Variants in MOB1A observed in about 807,000 individuals in gnomAD.
MOB1A encodes MOB1 Mps One Binder homolog A.
Under a neutral mutation model 25.1 loss-of-function variants are expected in MOB1A, and 10 were observed. The ratio of observed to expected loss-of-function variants is 0.40; its 90% confidence interval spans 0.25 to 0.68. The LOEUF (loss-of-function observed/expected upper bound fraction) is 0.68. Ranked by LOEUF, MOB1A falls within the 30% of genes least tolerant of loss-of-function variation. MOB1A has a pLI of 0.40. For missense variants in MOB1A, 177 were observed against 256.3 expected (o/e 0.69, Z 2.11); for synonymous variants, 81 against 79.5 (o/e 1.02, Z -0.10).
Position 74,153,815 on chromosome 2 carries a change from G to C in MOB1A, c.*2753C>G, listed in dbSNP as rs1209080114. ...CAAGGGGGAAGGGAGTGAGTGTTAT[G>C]GAACAGGCAAACCTTGGGCATGGGG... On this transcript the variant is annotated 3_prime_UTR_variant, in exon 6 of 6. Transcript: ENST00000396049. 6.6e-6 allele frequency: 1 copy of C among 152,218 alleles called. No individual in the cohort carries two copies. Among genetic ancestry groups the C allele is most frequent in the Admixed American group, 6.6e-5 (1 of 15,264 alleles). The allele number at this position is 152,218 out of a possible 1,614,324, so 9.4% of individuals were successfully genotyped here. A position where few individuals can be genotyped will look rare whatever the true frequency, so the allele number is the denominator to read the frequency against.
At chr2:74,156,785 T>C (rs56259334) in intron 5 of MOB1A, 140 bp from the exon 6 acceptor site, 83,690 of 630,738 alleles carry the variant, frequency 0.13, 7,279 homozygotes, top group East Asian at 0.36. Flanking sequence ...CATTTTAAAG[T>C]AGGCATTTAT....
chr2:74,172,914 T>A (rs1693337552), intron 1 of MOB1A, 162 bp from the exon 2 acceptor site: 1 of 697,780 alleles, frequency 1.4e-6, no homozygotes, highest in African/African-American at 1.8e-5. Context: ...CACTTTGGGA[T>A]CACCTGAGGT....
intron 1 of MOB1A, among the ~76,000 whole-genome samples, chr2:74,173,737 T>A (rs1693368711): frequency 6.9e-6 from 1 of 145,684 alleles, no homozygotes; most frequent in African/African-American, 2.6e-5. Flanking sequence ...GATCACGAGG[T>A]CAGGAGATCG....
intron 1 of MOB1A, among the ~76,000 whole-genome samples, chr2:74,173,989 C>G (rs1693379026): frequency 6.9e-6 from 1 of 145,044 alleles, no homozygotes; most frequent in Admixed American, 7.0e-5. Flanking sequence ...GGGGCCATGG[C>G]TAGGTGCGGT....
chr2:74,175,444 T>C (rs956589353), intron 1 of MOB1A, among the ~76,000 whole-genome samples: 1 of 152,176 alleles, frequency 6.6e-6, no homozygotes, highest in Non-Finnish European at 1.5e-5. Context: ...CCAAAAAGGT[T>C]AGGGACCACT....
intron 4 of MOB1A, among the ~76,000 whole-genome samples, chr2:74,161,566 G>A (rs1255412897): frequency 2.0e-5 from 3 of 151,456 alleles, no homozygotes; most frequent in African/African-American, 4.9e-5. Flanking sequence ...GCAGAATGGC[G>A]TGAACCCGGG....
intron 2 of MOB1A, among the ~76,000 whole-genome samples, chr2:74,172,196 T>C (rs184120404): frequency 1.1e-4 from 17 of 152,322 alleles, no homozygotes; most frequent in African/African-American, 3.8e-4. Flanking sequence ...TGAACTGCAA[T>C]TGACTTTTCT....
intron 1 of MOB1A, among the ~76,000 whole-genome samples, chr2:74,174,261 C>A (rs1236306164): frequency 1.4e-5 from 2 of 142,166 alleles, no homozygotes; most frequent in African/African-American, 2.7e-5. Context: ...CAGAGTGAGA[C>A]TCCGTCTCAA....
chr2:74,163,434 C>T (rs1414133744), intron 4 of MOB1A, among the ~76,000 whole-genome samples: 3 of 152,018 alleles, frequency 2.0e-5, no homozygotes, highest in Non-Finnish European at 2.9e-5. Flanking sequence ...CCCTGGAGTT[C>T]GAGACCAGCC....
chr2:74,174,232 C>T (rs1436017315), intron 1 of MOB1A, among the ~76,000 whole-genome samples: 3 of 147,334 alleles, frequency 2.0e-5, no homozygotes, highest in African/African-American at 7.6e-5. Flanking sequence ...GCTTGCACCA[C>T]TGCACTCCAG....
In MOB1A at chr2:74,153,208, G is replaced by A. The variant is rs537422334; in HGVS notation, c.*3360C>T. Reference sequence around the variant, plus strand: ...AACAAGGCGGTAGCACCAGCACCATGACTAGGGCTGCTTTAAAACAAATTT... The same window carrying A: ...AACAAGGCGGTAGCACCAGCACCATAACTAGGGCTGCTTTAAAACAAATTT... On this transcript the variant is annotated 3_prime_UTR_variant, in exon 6 of 6. Transcript: ENST00000396049. 1 of 152,306 alleles carries A rather than the reference G, an allele frequency of 6.6e-6. No homozygotes were observed. The highest frequency in any genetic ancestry group is 1.9e-4 in the East Asian group (1 of 5,186). The allele number at this position is 152,306 out of a possible 1,614,324, so 9.4% of individuals were successfully genotyped here.
chr2:74,157,713 T>C (rs534473681), intron 5 of MOB1A, among the ~76,000 whole-genome samples: 5 of 152,238 alleles, frequency 3.3e-5, no homozygotes, highest in African/African-American at 4.8e-5. Flanking sequence ...GTCCCCATGT[T>C]TGGTCACAGA....
intron 1 of MOB1A, among the ~76,000 whole-genome samples, chr2:74,177,130 T>C (rs893903873): frequency 6.6e-6 from 1 of 151,734 alleles, no homozygotes; most frequent in Non-Finnish European, 1.5e-5. Flanking sequence ...CTGGCCAACA[T>C]GATGAAACCC....
rs761207050 is a variant in MOB1A at position 74,172,484 on chromosome 2, T to C, written c.181+102A>G. ...TACTTAATGTTTCTTTACAGATAATTTGTTATATTAAAACAGTTCTAACTG... is the reference window on the plus strand; with the variant it reads ...TACTTAATGTTTCTTTACAGATAATCTGTTATATTAAAACAGTTCTAACTG... On this transcript the variant is annotated intron_variant, in intron 2 of 5. Transcript: ENST00000396049. The C allele has an allele frequency of 2.8e-5, 31 of 1,088,596 alleles. No individual in the cohort carries two copies. In the Admixed American group the frequency reaches 5.5e-4, roughly 19 times the overall value. 67.4% of individuals were successfully genotyped at this position (1,088,596 alleles called of 1,614,324 possible).
chr2:74,178,531 G>C (rs1693544295), intron 1 of MOB1A, 130 bp downstream of exon 1: 1 of 582,564 alleles, frequency 1.7e-6, no homozygotes, highest in African/African-American at 1.9e-5. Context: ...GACCCGAACA[G>C]AGGCAAAACA....
Position 74,165,252 on chromosome 2 carries a change from C to T in MOB1A, c.375G>A (p.Gln125=). The T allele has an allele frequency of 6.4e-7, 1 of 1,564,008 alleles. No homozygotes were observed. Among genetic ancestry groups the T allele is most frequent in the Non-Finnish European group, 8.7e-7 (1 of 1,152,820 alleles). ...IDYLMTWVQD[Q]LDDETLFPSK... The stretch of plus-strand genomic sequence containing the variant: ...AAGGAAAAAGAGTTTCATCATCAAG[C>T]TGATCTTGAACCCAAGTCATCAAAT... The change falls in exon 4 of 6, where the codon CAG becomes CAA. Residue 125 remains glutamine, a synonymous_variant. Transcript: ENST00000396049.
At position 74,152,806 on chromosome 2, in the gene MOB1A, T is replaced by C. The variant is rs900956732; in HGVS notation, c.*3762A>G. Reference sequence around the variant, plus strand: ...AAACTATTTTTGATGTAGAATAGAATGCTGTTCTATAATAAGAAGTCTGTA... The same window carrying C: ...AAACTATTTTTGATGTAGAATAGAACGCTGTTCTATAATAAGAAGTCTGTA... On this transcript the variant is annotated 3_prime_UTR_variant, in exon 6 of 6. Transcript: ENST00000396049. 1 of 152,228 alleles carries C rather than the reference T, an allele frequency of 6.6e-6. No homozygotes were observed. The highest frequency in any genetic ancestry group is 2.4e-5 in the African/African-American group (1 of 41,460). The allele number at this position is 152,228 out of a possible 1,614,324, so 9.4% of individuals were successfully genotyped here.
At chr2:74,156,831 G>A (rs1408035942) in intron 5 of MOB1A, among the ~76,000 whole-genome samples, 186 bp from the exon 6 acceptor site, 2 of 151,208 alleles carry the variant, frequency 1.3e-5, no homozygotes, top group African/African-American at 4.9e-5. Flanking sequence ...GTACAGATGT[G>A]GTCTATGTTG....
chr2:74,174,322 G>GCAGT (rs1255429053), intron 1 of MOB1A, among the ~76,000 whole-genome samples: 1 of 151,782 alleles, frequency 6.6e-6, no homozygotes, highest in East Asian at 1.9e-4. Flanking sequence ...GGAGCCAAGT[G>GCAGT]CAGTCGCTCA....
Sources: gnomAD v4.1 joint callset for allele counts (sites outside exome capture counted in the v4.1 genomes callset) on GRCh38, gnomAD v4.1.1 for gene constraint, MANE v1.5 for transcripts, NCBI Gene and HGNC (gene_info 2026-07-23, HGNC 2026-07-21) for gene names.